The following CDH18 variants were observed in gnomAD, a reference collection of about 807,000 sequenced individuals.
The protein encoded by CDH18 is cadherin 18.
In CDH18, 31 loss-of-function variants were observed where a neutral mutation model predicts 67.9. The observed-to-expected ratio is 0.46, with a 90% CI of 0.34 to 0.62. CDH18 has a LOEUF of 0.62. Ranked by LOEUF, CDH18 falls within the 20% of genes least tolerant of loss-of-function variation. CDH18 has a pLI of 0.01. For missense variants in CDH18, 890 were observed against 975.5 expected (o/e 0.91, Z 1.17); for synonymous variants, 362 against 347.2 (o/e 1.04, Z -0.48).
intron 1 of CDH18, among the ~76,000 whole-genome samples, 169 bp from the exon 2 acceptor site, chr5:19,981,347 C>T (rs1363965084): frequency 6.6e-6 from 1 of 152,194 alleles, no homozygotes; most frequent in African/African-American, 2.4e-5. Context: ...TTAACATTAT[C>T]ACCTCCTGTA....
rs1169107242 is a variant in CDH18 at position 19,592,335 on chromosome 5, T to C, written c.812-1091A>G. Among the ~76,000 whole-genome samples, 3 of 152,204 alleles carry C rather than the reference T, an allele frequency of 2.0e-5. No individual in the cohort carries two copies. The East Asian group carries it at 5.8e-4, about 29-fold the overall frequency. On this transcript the variant is annotated intron_variant, in intron 6 of 12. Transcript: ENST00000382275. ...ATGTCGAATGGAACCGTTTCTATAG[T>C]GCTTATATTAAGAAGCATAATGAAC...
At chr5:20,249,479 T>C (rs1163486307) in intron 2 of CDH18, among the ~76,000 whole-genome samples, 1 of 149,384 alleles carries the variant, frequency 6.7e-6, no homozygotes, top group East Asian at 2.0e-4. Context: ...GCCTTCCGGG[T>C]TCACGCCATT....
intron 8 of CDH18, among the ~76,000 whole-genome samples, chr5:19,551,182 G>A (rs564065335): frequency 6.6e-6 from 1 of 152,104 alleles, no homozygotes; most frequent in Non-Finnish European, 1.5e-5. Flanking sequence ...AGAAGAATTA[G>A]GGTGAGGGAT....
chr5:20,203,821 C>A (rs1000660352), intron 2 of CDH18, among the ~76,000 whole-genome samples: 4 of 151,896 alleles, frequency 2.6e-5, no homozygotes, highest in Admixed American at 1.3e-4. Flanking sequence ...AGTGTTCTGA[C>A]CAATAATTTA....
At chr5:20,102,416 T>C (rs2150578391) in intron 2 of CDH18, among the ~76,000 whole-genome samples, 1 of 152,276 alleles carries the variant, frequency 6.6e-6, no homozygotes, top group South Asian at 2.1e-4. Flanking sequence ...ATGGATGGCT[T>C]CCGCAAATTA....
At chr5:20,466,886 G>C (rs944837419) in intron 1 of CDH18, among the ~76,000 whole-genome samples, 1 of 152,036 alleles carries the variant, frequency 6.6e-6, no homozygotes, top group Non-Finnish European at 1.5e-5. Context: ...AATGGAAATA[G>C]GAATGTGTTC....
chr5:20,230,305 G>T (rs561289382), intron 2 of CDH18, among the ~76,000 whole-genome samples: 2 of 152,174 alleles, frequency 1.3e-5, no homozygotes, highest in East Asian at 1.9e-4. Context: ...CTCCTGCAGG[G>T]CCTAGAAAAT....
chr5:20,296,110 G>T (rs1315740218), intron 1 of CDH18, among the ~76,000 whole-genome samples: 1 of 151,592 alleles, frequency 6.6e-6, no homozygotes, highest in East Asian at 2.0e-4. Context: ...AGCTGACCTC[G>T]TGATTCGCCC....
rs112178035 is a variant in CDH18, at chr5:20,063,384, T to G, written c.-517-71370A>C. ...CTTATAAACTCTGCATTTCAAGAAT[T>G]AACAGTTTTGGGAAATTGTAGGTCT... On this transcript the variant is annotated intron_variant, in intron 2 of 14. Coordinates refer to the CDH18 transcript ENST00000507958. 3.0e-4 allele frequency among the ~76,000 whole-genome samples: 45 copies of G among 152,224 alleles called. 1 individual carries two copies. Among genetic ancestry groups the G allele is most frequent in the African/African-American group, 1.0e-3 (43 of 41,586 alleles).
At chr5:19,549,250 G>T (rs1230490796) in intron 8 of CDH18, among the ~76,000 whole-genome samples, 1 of 152,060 alleles carries the variant, frequency 6.6e-6, no homozygotes, top group Non-Finnish European at 1.5e-5. Context: ...ACTCTCAGTA[G>T]TTCATGCAAA....
At chr5:20,165,932 GA>G (rs1176936595) in intron 2 of CDH18, among the ~76,000 whole-genome samples, 2 of 151,802 alleles carry the variant, frequency 1.3e-5, no homozygotes, top group Non-Finnish European at 2.9e-5. Flanking sequence ...GAAATTTTAA[GA>G]AAAAAACTGT....
chr5:20,483,608 T>C (rs1038995201), intron 1 of CDH18, among the ~76,000 whole-genome samples: 1 of 150,078 alleles, frequency 6.7e-6, no homozygotes, highest in Non-Finnish European at 1.5e-5. Context: ...AGAACCTAGA[T>C]ATAAATTCAT....
chr5:20,109,609 G>T (rs1207578635), intron 2 of CDH18, among the ~76,000 whole-genome samples: 1 of 152,192 alleles, frequency 6.6e-6, no homozygotes, highest in Non-Finnish European at 1.5e-5. Flanking sequence ...TCCCAAGCCA[G>T]GTTCCCCTAA....
intron 4 of CDH18, among the ~76,000 whole-genome samples, chr5:19,731,192 G>A (rs997479376): frequency 6.6e-6 from 1 of 152,136 alleles, no homozygotes; most frequent in African/African-American, 2.4e-5. Context: ...GCTTACACCT[G>A]TAATCCCAGC....
At chr5:20,517,454 T>C (rs1451875813) in intron 1 of CDH18, among the ~76,000 whole-genome samples, 1 of 151,790 alleles carries the variant, frequency 6.6e-6, no homozygotes, top group South Asian at 2.1e-4. Flanking sequence ...TAAACAAATA[T>C]TATTTTCAAT....
chr5:19,781,147 T>C (rs975944933), intron 3 of CDH18, among the ~76,000 whole-genome samples: 1 of 152,066 alleles, frequency 6.6e-6, no homozygotes, highest in Non-Finnish European at 1.5e-5. Flanking sequence ...TATGGCTAAA[T>C]ATAGGCCCAT....
chr5:19,531,540 C>A (rs998760907), intron 9 of CDH18, among the ~76,000 whole-genome samples: 11 of 151,952 alleles, frequency 7.2e-5, no homozygotes, highest in African/African-American at 2.7e-4. Flanking sequence ...TCCATAAACT[C>A]GAACATGGTA....
chr5:20,125,178 T>G (rs995717579), intron 2 of CDH18, among the ~76,000 whole-genome samples: 4 of 152,234 alleles, frequency 2.6e-5, no homozygotes. Context: ...GTTTGTATTT[T>G]GCCTGAGAAT....
intron 2 of CDH18, among the ~76,000 whole-genome samples, chr5:19,919,176 C>A (rs1792160707): frequency 6.6e-6 from 1 of 152,248 alleles, no homozygotes; most frequent in Middle Eastern, 3.4e-3. Flanking sequence ...ACCCCCACTA[C>A]ACAGACTCAC....
Sources: gnomAD v4.1 joint callset for allele counts (sites outside exome capture counted in the v4.1 genomes callset) on GRCh38, gnomAD v4.1.1 for gene constraint, MANE v1.5 for transcripts, NCBI Gene and HGNC (gene_info 2026-07-23, HGNC 2026-07-21) for gene names.